Variants in FRMD4A observed in about 807,000 individuals in gnomAD.
FRMD4A encodes the protein FERM domain containing 4A.
A neutral mutation model predicts 129.1 loss-of-function variants in FRMD4A; 29 were observed. The ratio of observed to expected loss-of-function variants is 0.22; its 90% CI spans 0.17 to 0.31. The LOEUF (loss-of-function observed/expected upper bound fraction) is 0.31. Ranked by LOEUF, FRMD4A falls within the 10% of genes least tolerant of loss-of-function variation. The probability of loss-of-function intolerance (pLI) is 1.00; values close to 1 mark genes in which losing one functional copy is unlikely to be tolerated. For synonymous variants in FRMD4A, 634 were observed against 571.6 expected (o/e 1.11, Z -1.56); for missense variants, 1,272 against 1,375.8 (o/e 0.92, Z 1.19).
At chr10:13,834,322 A>C (rs1919458) in intron 3 of FRMD4A, among the ~76,000 whole-genome samples, 124,460 of 151,934 alleles carry the variant, frequency 0.82, 51,118 homozygotes, top group East Asian at 0.91. Flanking sequence ...AAAACAAAAC[A>C]AAACCAAACC....
chr10:14,026,362 A>G (rs1482092919), intron 2 of FRMD4A, among the ~76,000 whole-genome samples: 2 of 152,226 alleles, frequency 1.3e-5, no homozygotes, highest in Admixed American at 6.5e-5. Flanking sequence ...AAAGAAATGG[A>G]CAAAAAGCAC....
chr10:13,771,054 A>T (rs2130736746), intron 6 of FRMD4A, among the ~76,000 whole-genome samples: 1 of 152,306 alleles, frequency 6.6e-6, no homozygotes, highest in South Asian at 2.1e-4. Flanking sequence ...CTAAACTGCA[A>T]ATGTGGCCCA....
chr10:14,239,644 C>T (rs1265406391), intron 2 of FRMD4A, among the ~76,000 whole-genome samples: 1 of 119,504 alleles, frequency 8.4e-6, no homozygotes, highest in Non-Finnish European at 1.9e-5. Context: ...AACAAACAAA[C>T]AAACAAACAA....
intron 14 of FRMD4A, 123 bp from the exon 15 acceptor site, chr10:13,694,162 T>C (rs367717155): frequency 1.7e-5 from 12 of 698,624 alleles, no homozygotes; most frequent in African/African-American, 1.3e-4. Flanking sequence ...CCCTGACTAA[T>C]GTGCAGCATT....
intron 3 of FRMD4A, among the ~76,000 whole-genome samples, chr10:13,833,384 G>A (rs1193631237): frequency 4.6e-5 from 7 of 152,222 alleles, no homozygotes; most frequent in East Asian, 1.9e-4. Flanking sequence ...GGGGGAAACC[G>A]TCCCCAGGAT....
intron 2 of FRMD4A, among the ~76,000 whole-genome samples, chr10:14,215,900 C>T (rs1843059934): frequency 6.6e-6 from 1 of 151,946 alleles, no homozygotes; most frequent in African/African-American, 2.4e-5. Flanking sequence ...CCCTGCATGT[C>T]GAAGGGGAAA....
At chr10:13,936,709 G>A (rs1241388327) in intron 2 of FRMD4A, among the ~76,000 whole-genome samples, 1 of 152,176 alleles carries the variant, frequency 6.6e-6, no homozygotes, top group Non-Finnish European at 1.5e-5. Flanking sequence ...TGTTTATGAG[G>A]CATCTAGTCT....
intron 2 of FRMD4A, among the ~76,000 whole-genome samples, chr10:14,049,401 T>C (rs943360945): frequency 2.0e-5 from 3 of 152,178 alleles, no homozygotes; most frequent in Admixed American, 2.0e-4. Flanking sequence ...CTGGCAAGTA[T>C]TCAAGATCTT....
At chr10:13,863,517 G>C (rs1034997885) in intron 2 of FRMD4A, among the ~76,000 whole-genome samples, 4 of 152,208 alleles carry the variant, frequency 2.6e-5, no homozygotes. Flanking sequence ...TTGAACCCAG[G>C]AGGTGGTGGT....
intron 2 of FRMD4A, among the ~76,000 whole-genome samples, chr10:14,287,826 G>A (rs1165402455): frequency 6.6e-6 from 1 of 152,034 alleles, no homozygotes; most frequent in East Asian, 1.9e-4. Context: ...GCAAAGACCT[G>A]GCAGATAAAA....
chr10:13,699,245 T>G (rs888067585), intron 14 of FRMD4A, among the ~76,000 whole-genome samples: 1 of 126,258 alleles, frequency 7.9e-6, no homozygotes. Context: ...TTTTTTTTTT[T>G]TTTGTATTTT....
intron 2 of FRMD4A, among the ~76,000 whole-genome samples, chr10:13,958,395 T>C (rs989270633): frequency 6.8e-6 from 1 of 146,406 alleles, no homozygotes; most frequent in Non-Finnish European, 1.5e-5. Context: ...GCCATTCTCC[T>C]GCCTCAGCCT....
chr10:13,980,963 G>T (rs983376831), intron 2 of FRMD4A, among the ~76,000 whole-genome samples: 1 of 152,130 alleles, frequency 6.6e-6, no homozygotes, highest in Admixed American at 6.5e-5. Context: ...TAAATCCTTT[G>T]ATATATGCAA....
chr10:13,748,387 G>A (rs1208247124), intron 8 of FRMD4A, among the ~76,000 whole-genome samples: 1 of 152,198 alleles, frequency 6.6e-6, no homozygotes, highest in Admixed American at 6.5e-5. Context: ...ATGCTTGGGA[G>A]CAAAAGTGTT....
At chr10:14,160,947 G>A (rs1325834458) in intron 2 of FRMD4A, among the ~76,000 whole-genome samples, 1 of 152,058 alleles carries the variant, frequency 6.6e-6, no homozygotes, top group Non-Finnish European at 1.5e-5. Context: ...ATGGAAAACT[G>A]CATGAAGATT....
intron 12 of FRMD4A, among the ~76,000 whole-genome samples, chr10:13,715,230 C>T (rs1177311277): frequency 6.6e-6 from 1 of 152,032 alleles, no homozygotes; most frequent in East Asian, 1.9e-4. Context: ...CTTTGTAGAG[C>T]CCTCTCCATC....
intron 2 of FRMD4A, among the ~76,000 whole-genome samples, chr10:14,085,768 C>A (rs972375709): frequency 6.6e-6 from 1 of 152,236 alleles, no homozygotes; most frequent in African/African-American, 2.4e-5. Context: ...GCTGGACCAT[C>A]TGCCTGGTCC....
intron 2 of FRMD4A, among the ~76,000 whole-genome samples, chr10:14,303,276 G>A (rs916137624): frequency 6.6e-5 from 10 of 152,126 alleles, no homozygotes; most frequent in South Asian, 2.1e-4. Context: ...AAATTTTAAC[G>A]TGCACAGAAT....
intron 3 of FRMD4A, among the ~76,000 whole-genome samples, chr10:13,843,691 T>G (rs2094002903): frequency 6.6e-6 from 1 of 152,140 alleles, no homozygotes; most frequent in Non-Finnish European, 1.5e-5. Flanking sequence ...AGAGATGGGA[T>G]TTCACCATGT....
Sources: gnomAD v4.1 joint callset for allele counts (sites outside exome capture counted in the v4.1 genomes callset) on GRCh38, gnomAD v4.1.1 for gene constraint, MANE v1.5 for transcripts, NCBI Gene and HGNC (gene_info 2026-07-23, HGNC 2026-07-21) for gene names.